The following DSP variants were observed in gnomAD, a reference collection of about 807,000 sequenced individuals.
The protein encoded by DSP is desmoplakin.
DSP carries 114 observed loss-of-function variants against 290.6 expected under a neutral mutation model. The ratio of observed to expected loss-of-function variants is 0.39; its 90% CI spans 0.34 to 0.46. DSP has a LOEUF of 0.46. Ranked by LOEUF, DSP falls within the 20% of genes least tolerant of loss-of-function variation. The pLI is 0.99. For missense variants in DSP, 3,230 were observed against 3,495.8 expected (o/e 0.92, Z 1.92); for synonymous variants, 1,311 against 1,316.4 (o/e 1.00, Z 0.09).
chr6:7,542,499 GC>G (rs1758027113), intron 1 of DSP, among the ~76,000 whole-genome samples: 2 of 152,298 alleles, frequency 1.3e-5, no homozygotes, highest in East Asian at 1.9e-4. Flanking sequence ...AAGGAGCGGG[GC>G]CCCGGTCCTG....
chr6:7,559,880 T>G (rs1040781328), intron 4 of DSP, among the ~76,000 whole-genome samples: 29 of 152,350 alleles, frequency 1.9e-4, no homozygotes, highest in African/African-American at 6.7e-4. Flanking sequence ...CATTCTGGTT[T>G]AGGCTCATTG....
Position 7,563,782 on chromosome 6 carries a change from T to A in DSP, c.773T>A (p.Leu258Gln). The A allele has an allele frequency of 6.2e-7, 1 of 1,613,592 alleles. No homozygotes were observed. Among genetic ancestry groups the A allele is most frequent in the Non-Finnish European group, 8.5e-7 (1 of 1,179,452 alleles). The change falls in exon 6 of 24, where the codon CTG becomes CAG. Residue 258 changes from leucine to glutamine, a missense_variant. By Grantham distance (113) the Leu-to-Gln change is moderately radical. Transcript: ENST00000379802. ...IYQLEEEYEN[L>Q]LKASFERMDH... is the part of the protein sequence containing the mutation. ...CAGTTGGAGGAGGAGTATGAAAACC[T>A]GCTGGTAAGCTGATTTATTTCTCAA...
chr6:7,585,302 T>G lies in DSP; in HGVS notation c.8040T>G (p.Ile2680Met). ...SLQDAVSQGV[I>M]DQDMATRLKP... ...AGGACGCAGTCTCCCAGGGTGTGAT[T>G]GACCAAGACATGGCCACCAGGCTGA... The change falls in exon 24 of 24, where the codon ATT becomes ATG. Residue 2680 changes from isoleucine to methionine, a missense_variant. Transcript: ENST00000379802. The G allele has an allele frequency of 6.2e-7, 1 of 1,614,170 alleles. No homozygotes were observed. The highest frequency in any genetic ancestry group is 8.5e-7 in the Non-Finnish European group (1 of 1,180,040).
At chr6:7,542,471 A>G (rs910037744) in intron 1 of DSP, among the ~76,000 whole-genome samples, 3 of 152,058 alleles carry the variant, frequency 2.0e-5, no homozygotes, top group African/African-American at 7.2e-5. Flanking sequence ...CTCCAACCGT[A>G]ATCAAAGTAA....
rs753254231 is a variant in DSP at position 7,579,583 on chromosome 6, A to T, written c.3393A>T (p.Arg1131Ser). 6.2e-7 allele frequency: 1 copy of T among 1,613,980 alleles called. No individual in the cohort carries two copies. Among genetic ancestry groups the T allele is most frequent in the South Asian group, 1.1e-5 (1 of 91,076 alleles). The change falls in exon 23 of 24, where the codon AGA becomes AGT. Residue 1131 changes from arginine to serine, a missense_variant. Transcript: ENST00000379802. The surrounding 1 kb of genome is among the most constrained non-coding windows in gnomAD (Gnocchi z 4.1). ...EKRRRKSVEDRFDQQKNDYDQ... is the reference protein window; with the variant it reads ...EKRRRKSVEDSFDQQKNDYDQ... Reference sequence around the variant, plus strand: ...GAAGAAGAAAATCTGTGGAAGACAGATTTGACCAACAGAAGAATGACTATG... The same window carrying T: ...GAAGAAGAAAATCTGTGGAAGACAGTTTTGACCAACAGAAGAATGACTATG...
chr6:7,582,431 G>A lies in DSP; in HGVS notation c.5380-211G>A, dbSNP rs557302186. Among the ~76,000 whole-genome samples, 2 of 151,524 alleles carry A rather than the reference G, an allele frequency of 1.3e-5. No individual in the cohort carries two copies. The highest frequency in any genetic ancestry group is 4.2e-4 in the South Asian group (2 of 4,812). ...TATAGAAAAAAATAGTAAGTATGAA[G>A]CCATTTATTGAAGTGGCAACATATA... On this transcript the variant is annotated intron_variant, in intron 23 of 23. Transcript: ENST00000379802. The surrounding 1 kb of genome is among the most constrained non-coding windows in gnomAD (Gnocchi z 4.2).
chr6:7,565,715 G>A lies in DSP; in HGVS notation c.939+195G>A, dbSNP rs58671320. On this transcript the variant is annotated intron_variant, in intron 7 of 23. Transcript: ENST00000379802. This position sits in a 1 kb window ranked among gnomAD's most constrained non-coding sequence, Gnocchi z 4.2. ...AGGCCATTATCCTTAGCAAACTTAT[G>A]CGGGAACAGAAAACCAAATACCACA... The A allele has an allele frequency of 0.015, 10,265 of 664,212 alleles. 734 individuals are homozygous for A. The African/African-American group carries it at 0.16, about 11-fold the overall frequency. The allele number at this position is 664,212 out of a possible 1,614,324, so 41.1% of individuals were successfully genotyped here.
intron 1 of DSP, among the ~76,000 whole-genome samples, chr6:7,547,354 CATGAAA>C (rs573283161): frequency 2.7e-4 from 41 of 152,114 alleles, no homozygotes; most frequent in African/African-American, 9.4e-4. Flanking sequence ...ATCTACATTT[CATGAAA>C]ATGAAGACAG....
rs1759656543 is a variant in DSP at position 7,585,868 on chromosome 6, T to C, written c.8606T>C (p.Ile2869Thr). ...SYSYSFSSSS[I>T]GH ...TCCTACTCATTTAGCAGTAGTTCTA[T>C]TGGGCACTAGTAGTCAGTTGGGAGT... Residue 2869 changes from isoleucine (I) to threonine (T), a missense_variant, in exon 24 of 24, where the codon ATT becomes ACT. By Grantham distance (89) the Ile-to-Thr change is moderately conservative. Around this residue, in one of 5 missense-constraint regions of DSP, gnomAD observed 582 missense variants for 555.4 expected, o/e 1.05. Transcript: ENST00000379802. 3 of 1,613,892 alleles carry C rather than the reference T, an allele frequency of 1.9e-6. No homozygotes were observed. The highest frequency in any genetic ancestry group is 1.3e-5 in the African/African-American group (1 of 74,924).
intron 15 of DSP, among the ~76,000 whole-genome samples, chr6:7,572,290 G>A (rs950899543): frequency 4.6e-5 from 7 of 152,166 alleles, no homozygotes; most frequent in South Asian, 2.1e-4. Context: ...TCAGGCTACC[G>A]TCCATCTCAA....
At chr6:7,543,666 T>A (rs150499620) in intron 1 of DSP, among the ~76,000 whole-genome samples, 1 of 152,176 alleles carries the variant, frequency 6.6e-6, no homozygotes, top group African/African-American at 2.4e-5. Flanking sequence ...CAGAATAGAA[T>A]GCGAAGGACT....
intron 1 of DSP, among the ~76,000 whole-genome samples, chr6:7,548,666 G>C (rs2299033): frequency 0.62 from 93,629 of 152,072 alleles, 29,252 homozygotes; most frequent in African/African-American, 0.7. Flanking sequence ...TTCTGTAGCT[G>C]CTGGGCGAAG....
At position 7,565,457 on chromosome 6, in the gene DSP, G is replaced by A; in HGVS notation, c.876G>A (p.Glu292=). The A allele has an allele frequency of 1.2e-6, 2 of 1,614,128 alleles. No individual in the cohort carries two copies. The highest frequency in any genetic ancestry group is 4.5e-5 in the East Asian group (2 of 44,886). The change falls in exon 7 of 24, where the codon GAG becomes GAA. Residue 292 remains glutamate (E), a synonymous_variant. Coordinates refer to ENST00000379802, the MANE Select transcript of DSP (RefSeq NM_004415.4). The surrounding 1 kb of genome is among the most constrained non-coding windows in gnomAD (Gnocchi z 4.2). ...TGTGGATCAATGACTGCGAGGAGGA[G>A]GAGCTGCTGTACGACTGGAGCGACA... The part of the protein sequence containing the change: ...EIMWINDCEE[E]ELLYDWSDKN...
At chr6:7,543,769 T>G (rs1441795025) in intron 1 of DSP, among the ~76,000 whole-genome samples, 1 of 152,216 alleles carries the variant, frequency 6.6e-6, no homozygotes, top group Non-Finnish European at 1.5e-5. Flanking sequence ...TTTCTTATCT[T>G]TTAAATAGAC....
intron 9 of DSP, 21 bp downstream of exon 9, chr6:7,567,470 T>C (rs1248512635): frequency 6.3e-7 from 1 of 1,599,556 alleles, no homozygotes; most frequent in Admixed American, 1.7e-5. Context: ...TTAGTGATAA[T>C]TTTGTTGTTA....
intron 3 of DSP, among the ~76,000 whole-genome samples, chr6:7,558,958 G>A (rs866059996): frequency 1.3e-5 from 2 of 152,226 alleles, no homozygotes; most frequent in East Asian, 1.9e-4. Flanking sequence ...AGGACAAAAC[G>A]CAAGAGAAAA....
intron 14 of DSP, 28 bp downstream of exon 14, chr6:7,571,612 A>G (rs1561690478): frequency 6.2e-7 from 1 of 1,613,498 alleles, no homozygotes; most frequent in East Asian, 2.2e-5. Flanking sequence ...TTCTCTTTGT[A>G]TCAACCATCC....
rs1272370135 is a variant in DSP at position 7,565,593 on chromosome 6, T to C, written c.939+73T>C. The stretch of plus-strand genomic sequence containing the variant: ...CTTGAAGAGCTGGGGTCTCGGGGAA[T>C]GATTGGTCTATTAATAATTTAATCA... On this transcript the variant is annotated intron_variant, in intron 7 of 23. Transcript: ENST00000379802. The surrounding 1 kb of genome is among the most constrained non-coding windows in gnomAD (Gnocchi z 4.2). The C allele has an allele frequency of 4.5e-6, 7 of 1,571,126 alleles. No homozygotes were observed. Among genetic ancestry groups the C allele is most frequent in the African/African-American group, 2.7e-5 (2 of 74,008 alleles).
chr6:7,570,408 C>A, intron 12 of DSP, 29 bp from the exon 13 acceptor site: 1 of 1,614,060 alleles, frequency 6.2e-7, no homozygotes, highest in Non-Finnish European at 8.5e-7. Context: ...AAGCCTGGCT[C>A]TAGCATGTTT....
Sources: gnomAD v4.1 joint callset for allele counts (sites outside exome capture counted in the v4.1 genomes callset) on GRCh38, gnomAD v4.1.1 for gene constraint, gnomAD v4.1.1 regional missense constraint, Gnocchi (gnomAD v3.1) non-coding constraint, MANE v1.5 for transcripts, NCBI Gene and HGNC (gene_info 2026-07-23, HGNC 2026-07-21) for gene names.